GPSM1: variants seen among roughly 807,000 people sequenced by gnomAD.
The protein encoded by GPSM1 is G protein-signaling modulator 1.
GPSM1 carries 48 observed loss-of-function variants against 70.5 expected under a neutral mutation model. That is an observed-to-expected ratio of 0.68 (90% CI 0.54 to 0.87). GPSM1 has a LOEUF of 0.87. Ranked by LOEUF, GPSM1 falls within the 40% of genes least tolerant of loss-of-function variation. The probability of loss-of-function intolerance (pLI) is 0.00; values close to 1 mark genes in which losing one functional copy is unlikely to be tolerated. For synonymous variants in GPSM1, 416 were observed against 430.1 expected, an observed-to-expected ratio of 0.97 and a Z score of 0.41; for missense variants, 981 against 972.6, an observed-to-expected ratio of 1.01 and a Z score of -0.11.
rs1418239031 is a variant in GPSM1, at chr9:136,343,863, T to C, written c.1207+2870T>C. Among the ~76,000 whole-genome samples the C allele has an allele frequency of 6.6e-6, 1 of 151,994 alleles. No individual in the cohort carries two copies. The highest frequency in any genetic ancestry group is 1.9e-4 in the East Asian group (1 of 5,150). ...AGTGGCCCTTGGGCAGCCGCCGGGA[T>C]GGAGGATGCACCCTCTGTCCGTGCG... On this transcript the variant is annotated intron_variant, in intron 9 of 13. Transcript: ENST00000440944. This position sits in a 1 kb window ranked among gnomAD's most constrained non-coding sequence, Gnocchi z 6.0.
chr9:136,340,177 G>A lies in GPSM1; in HGVS notation c.1083+362G>A, dbSNP rs1450330000. 1.3e-5 allele frequency among the ~76,000 whole-genome samples: 2 copies of A among 151,856 alleles called. No homozygotes were observed. Among genetic ancestry groups the A allele is most frequent in the Non-Finnish European group, 2.9e-5 (2 of 67,962 alleles). On this transcript the variant is annotated intron_variant, in intron 8 of 13. Coordinates refer to ENST00000440944, the MANE Select transcript of GPSM1 (RefSeq NM_001145638.3). This position sits in a 1 kb window ranked among gnomAD's most constrained non-coding sequence, Gnocchi z 7.3. ...CTGTCCTTACATCACCCACTCCCACGCCACCTCCCTCTGCACACCCCGAGC... is the reference window on the plus strand; with the variant it reads ...CTGTCCTTACATCACCCACTCCCACACCACCTCCCTCTGCACACCCCGAGC...
Position 136,337,525 on chromosome 9 carries a change from G to T in GPSM1, c.663G>T (p.Leu221Phe). Reference protein sequence around the residue: ...AYGNLGNTHYLLGNFTEATTF... With the variant: ...AYGNLGNTHYFLGNFTEATTF... ...GCAACCTGGGCAACACCCACTATTT[G>T]TTGGGGAACTTCACAGAGGCCACGA... Residue 221 changes from leucine (L) to phenylalanine (F), a missense_variant, in exon 5 of 14, where the codon TTG (leucine) becomes TTT (phenylalanine). Physicochemically the swap from Leu to Phe is conservative, Grantham distance 22 (BLOSUM62 0). Coordinates refer to ENST00000440944, the MANE Select transcript of GPSM1 (RefSeq NM_001145638.3). The T allele has an allele frequency of 6.4e-7, 1 of 1,560,682 alleles. No individual in the cohort carries two copies. Among genetic ancestry groups the T allele is most frequent in the Non-Finnish European group, 8.7e-7 (1 of 1,152,344 alleles).
At chr9:136,354,579 G>A (rs1414853115) in intron 11 of GPSM1, among the ~76,000 whole-genome samples, 2 of 152,236 alleles carry the variant, frequency 1.3e-5, no homozygotes, top group African/African-American at 2.4e-5. Context: ...GGCTGCCAGC[G>A]CCGGTCGGGA....
At chr9:136,346,860 G>A (rs1832535565) in intron 9 of GPSM1, among the ~76,000 whole-genome samples, 1 of 152,218 alleles carries the variant, frequency 6.6e-6, no homozygotes, top group Non-Finnish European at 1.5e-5. Context: ...AAATGACCGA[G>A]TGACTGCCCG....
chr9:136,349,704 C>T lies in GPSM1; in HGVS notation c.1396C>T (p.Arg466Trp), dbSNP rs781823323. ...QEGPDAERRP[R>W]EGSHSPLDSA... ...AGGCCCGGACGCTGAGAGGAGGCCC[C>T]GGGAGGGCAGCCACTCCCCGCTGGA... The change falls in exon 11 of 14, where the codon CGG becomes TGG. Residue 466 changes from arginine (R) to tryptophan (W), a missense_variant. Physicochemically the swap from Arg to Trp is moderately radical, Grantham distance 101. Transcript: ENST00000440944. 1.0e-5 allele frequency: 16 copies of T among 1,568,144 alleles called. No homozygotes were observed. In the East Asian group the frequency reaches 1.2e-4, roughly 11 times the overall value.
chr9:136,353,077 C>A (rs1260292224), intron 11 of GPSM1: 1 of 985,142 alleles, frequency 1.0e-6, no homozygotes, highest in Non-Finnish European at 1.2e-6. Context: ...GCCCTGGGCA[C>A]CTTGTGTCCT....
intron 2 of GPSM1, among the ~76,000 whole-genome samples, chr9:136,335,357 C>T: frequency 6.6e-6 from 1 of 152,148 alleles, no homozygotes. Context: ...CCCTTGGGGT[C>T]TTGGGGTCTC....
intron 7 of GPSM1, 51 bp from the exon 8 acceptor site, chr9:136,339,655 TG>T (rs1463667281): frequency 1.6e-6 from 2 of 1,273,020 alleles, no homozygotes; most frequent in Non-Finnish European, 2.2e-6. Context: ...GGGCTGGGGC[TG>T]GGGGCTGGCC....
chr9:136,349,171 G>T (rs1033124668), intron 10 of GPSM1, among the ~76,000 whole-genome samples: 4 of 152,274 alleles, frequency 2.6e-5, no homozygotes, highest in Non-Finnish European at 4.4e-5. Context: ...TTCGGGGGCT[G>T]CCTGGCGTAG....
chr9:136,327,779 G>A lies in GPSM1; in HGVS notation c.68+16G>A, dbSNP rs1554768078. 14 of 1,032,344 alleles carry A rather than the reference G, an allele frequency of 1.4e-5. No homozygotes were observed. In the South Asian group the frequency reaches 5.2e-4, roughly 39 times the overall value. 63.9% of individuals were successfully genotyped at this position (1,032,344 alleles called of 1,614,324 possible). ...TCTACTCCAGGTAGGACGGGCCGGG[G>A]CCGGGGCCGGGGCCGGGGCTGGGAC... On this transcript the variant is annotated intron_variant, in intron 1 of 13. Coordinates refer to ENST00000440944, the MANE Select transcript of GPSM1 (RefSeq NM_001145638.3).
chr9:136,355,878 G>T, intron 12 of GPSM1, 32 bp downstream of exon 12: 1 of 1,568,644 alleles, frequency 6.4e-7, no homozygotes. Flanking sequence ...GCCCTCCCTT[G>T]GGCTTGTCTG....
chr9:136,341,481 C>A lies in GPSM1; in HGVS notation c.1207+488C>A. On this transcript the variant is annotated intron_variant, in intron 9 of 13. Transcript: ENST00000440944. This position sits in a 1 kb window ranked among gnomAD's most constrained non-coding sequence, Gnocchi z 6.7. ...CCGTGGTGACCTCATTCATGGACCG[C>A]TGGTCGTCCCATGCCGGTCAGCAGT... 7.7e-7 allele frequency: 1 copy of A among 1,293,672 alleles called. No individual in the cohort carries two copies. The highest frequency in any genetic ancestry group is 9.8e-7 in the Non-Finnish European group (1 of 1,019,276). 80.1% of individuals were successfully genotyped at this position (1,293,672 alleles called of 1,614,324 possible). A position where few individuals can be genotyped will look rare whatever the true frequency, so the allele number is the denominator to read the frequency against.
Position 136,340,822 on chromosome 9 carries a change from C to G in GPSM1, c.1084-48C>G, listed in dbSNP as rs1832369428. ...ATTAAGGTCCCCTTGGAGCCCACAGCAGGGCCCCCAGCCACACCTGCCCGC... is the reference window on the plus strand; with the variant it reads ...ATTAAGGTCCCCTTGGAGCCCACAGGAGGGCCCCCAGCCACACCTGCCCGC... On this transcript the variant is annotated intron_variant, in intron 8 of 13. Transcript: ENST00000440944. This position sits in a 1 kb window ranked among gnomAD's most constrained non-coding sequence, Gnocchi z 7.3. The G allele has an allele frequency of 6.6e-7, 1 of 1,521,248 alleles. No individual in the cohort carries two copies. The highest frequency in any genetic ancestry group is 1.4e-5 in the African/African-American group (1 of 72,548). The allele number at this position is 1,521,248 out of a possible 1,614,324, so 94.2% of individuals were successfully genotyped here.
At chr9:136,353,061 G>A in intron 11 of GPSM1, 6 of 984,178 alleles carry the variant, frequency 6.1e-6, no homozygotes, top group Non-Finnish European at 7.2e-6. Context: ...GGGCAGGGCG[G>A]TGGTGGCCCT....
rs549651052 is a variant in GPSM1 at position 136,343,943 on chromosome 9, C to T, written c.1207+2950C>T. ...GGGAAATGGCACACAGGGTCCCGCACGCAGCAGATACACAGTAAATGCCTG... is the reference window on the plus strand; with the variant it reads ...GGGAAATGGCACACAGGGTCCCGCATGCAGCAGATACACAGTAAATGCCTG... On this transcript the variant is annotated intron_variant, in intron 9 of 13. Transcript: ENST00000440944. This position sits in a 1 kb window ranked among gnomAD's most constrained non-coding sequence, Gnocchi z 6.0. Among the ~76,000 whole-genome samples the T allele has an allele frequency of 5.9e-5, 9 of 152,252 alleles. No individual in the cohort carries two copies. The highest frequency in any genetic ancestry group is 1.7e-4 in the African/African-American group (7 of 41,536).
chr9:136,338,902 A>G (rs930085036), intron 7 of GPSM1, among the ~76,000 whole-genome samples, 192 bp downstream of exon 7: 22 of 152,208 alleles, frequency 1.4e-4, no homozygotes, highest in Admixed American at 1.0e-3. Flanking sequence ...CCCTGGCACA[A>G]GCGGGTGGGG....
chr9:136,353,676 G>A (rs1316315170), intron 11 of GPSM1, among the ~76,000 whole-genome samples: 1 of 152,208 alleles, frequency 6.6e-6, no homozygotes, highest in African/African-American at 2.4e-5. Flanking sequence ...CATGGCCCCT[G>A]ACGGGTCCTG....
chr9:136,357,717 ACT>A, intron 13 of GPSM1, among the ~76,000 whole-genome samples: 1 of 152,298 alleles, frequency 6.6e-6, no homozygotes. Context: ...CGCCCTAGCC[ACT>A]GTCTCCTGGG....
At position 136,341,609 on chromosome 9, in the gene GPSM1, G is replaced by C; in HGVS notation, c.1207+616G>C. On this transcript the variant is annotated intron_variant, in intron 9 of 13. Coordinates refer to ENST00000440944, the MANE Select transcript of GPSM1 (RefSeq NM_001145638.3). The surrounding 1 kb of genome is among the most constrained non-coding windows in gnomAD (Gnocchi z 6.7). ...CGACTTCCTGAGGTGGCTGGCAGGT[G>C]GGTGAGGGGCAGGCTTGGGGGGAGC... is the stretch of plus-strand genomic sequence containing the variant. 1 of 1,016,220 alleles carries C rather than the reference G, an allele frequency of 9.8e-7. No homozygotes were observed. Among genetic ancestry groups the C allele is most frequent in the Non-Finnish European group, 1.2e-6 (1 of 848,168 alleles). 63.0% of individuals were successfully genotyped at this position (1,016,220 alleles called of 1,614,324 possible).
Sources: allele counts gnomAD v4.1 joint callset (sites outside exome capture counted in the v4.1 genomes callset), GRCh38; gene constraint gnomAD v4.1.1; non-coding constraint Gnocchi (gnomAD v3.1); transcripts MANE v1.5; gene names NCBI Gene and HGNC (gene_info 2026-07-23, HGNC 2026-07-21).